The following ANO3 variants were observed in gnomAD, a reference collection of about 807,000 sequenced individuals.
ANO3 encodes anoctamin 3.
In ANO3, 99 loss-of-function variants were observed where a neutral mutation model predicts 144.8. The ratio of observed to expected loss-of-function variants is 0.68; its 90% CI spans 0.58 to 0.81. The LOEUF is 0.81. Among genes scored for constraint, ANO3 ranks in the 30% least tolerant of loss-of-function variants. The probability of loss-of-function intolerance (pLI) is 0.00; values close to 1 mark genes in which losing one functional copy is unlikely to be tolerated. For synonymous variants in ANO3, 414 were observed against 392.6 expected, an observed-to-expected ratio of 1.05 and a Z score of -0.64; for missense variants, 905 against 1,202.2, an observed-to-expected ratio of 0.75 and a Z score of 3.66.
chr11:26,482,316 CAT>C (rs1860252021), intron 4 of ANO3, among the ~76,000 whole-genome samples: 1 of 151,742 alleles, frequency 6.6e-6, no homozygotes, highest in Non-Finnish European at 1.5e-5. Flanking sequence ...TTTCTTGAAT[CAT>C]GTGGAATATG....
At chr11:26,277,717 A>G (rs1232853969) in intron 1 of ANO3, among the ~76,000 whole-genome samples, 1 of 151,420 alleles carries the variant, frequency 6.6e-6, no homozygotes, top group East Asian at 1.9e-4. Flanking sequence ...ATAGATAATA[A>G]TTTTTTCTTG....
At chr11:26,327,710 G>A (rs1053529051), upstream of ANO3, among the ~76,000 whole-genome samples, 2 of 152,188 alleles carry the variant, frequency 1.3e-5, no homozygotes, top group African/African-American at 2.4e-5. Flanking sequence ...CATTATTGAA[G>A]TATGATTGAT....
chr11:26,651,794 A>G (rs1853541588), intron 24 of ANO3, among the ~76,000 whole-genome samples: 1 of 152,186 alleles, frequency 6.6e-6, no homozygotes, highest in South Asian at 2.1e-4. Context: ...TTTTGGAATT[A>G]TAGGCCTACA....
intron 26 of ANO3, among the ~76,000 whole-genome samples, chr11:26,657,935 G>GT (rs139410724): frequency 0.16 from 24,477 of 151,964 alleles, 2,570 homozygotes; most frequent in South Asian, 0.32. Flanking sequence ...CTCTGTAGAT[G>GT]TTTTTTATTT....
intron 1 of ANO3, among the ~76,000 whole-genome samples, chr11:26,232,434 T>C (rs1453538066): frequency 2.0e-5 from 3 of 150,788 alleles, no homozygotes; most frequent in East Asian, 2.0e-4. Flanking sequence ...TACAGGTTCA[T>C]GAAAAAAAAA....
chr11:26,564,726 CACACACAT>C lies in ANO3; in HGVS notation c.1447+4949_1447+4956del, dbSNP rs1850471469. 2.3e-3 allele frequency among the ~76,000 whole-genome samples: 111 copies of C among 49,328 alleles called. 5 individuals are homozygous for C. The highest frequency in any genetic ancestry group is 7.6e-3 in the African/African-American group (102 of 13,386). The allele number at this position is 49,328 out of a possible 152,430, so 32.4% of individuals were successfully genotyped here. On this transcript the variant is annotated intron_variant, in intron 14 of 26. Transcript: ENST00000256737. ...ACACACACACACACACACACACACA[CACACACAT>C]ATATATATATATATATATATATATA...
intron 1 of ANO3, among the ~76,000 whole-genome samples, chr11:26,291,600 C>A (rs1034575735): frequency 2.0e-5 from 3 of 152,078 alleles, no homozygotes; most frequent in Non-Finnish European, 2.9e-5. Context: ...GTAAGGCAGG[C>A]CTGGTGGTGA....
At chr11:26,445,776 T>A (rs1858678978) in intron 3 of ANO3, among the ~76,000 whole-genome samples, 1 of 152,156 alleles carries the variant, frequency 6.6e-6, no homozygotes, top group South Asian at 2.1e-4. Flanking sequence ...GGCTGGGAAA[T>A]ACTCTTTTAG....
At chr11:26,201,845 T>G (rs973055192) in intron 1 of ANO3, among the ~76,000 whole-genome samples, 1 of 150,848 alleles carries the variant, frequency 6.6e-6, no homozygotes, top group African/African-American at 2.4e-5. Flanking sequence ...GTAGAAGAGG[T>G]GTAAGATTTT....
At chr11:26,655,013 G>C (rs1203584710) in intron 24 of ANO3, among the ~76,000 whole-genome samples, 1 of 152,128 alleles carries the variant, frequency 6.6e-6, no homozygotes, top group Non-Finnish European at 1.5e-5. Context: ...TGCCTCAAAA[G>C]TTTGAGAGGC....
At chr11:26,498,805 T>A (rs1037563732) in intron 4 of ANO3, among the ~76,000 whole-genome samples, 1 of 151,784 alleles carries the variant, frequency 6.6e-6, no homozygotes, top group African/African-American at 2.4e-5. Flanking sequence ...TTTTTGAACT[T>A]TTACTGTATA....
chr11:26,306,993 A>G (rs1738006893), upstream of ANO3, among the ~76,000 whole-genome samples: 3 of 152,006 alleles, frequency 2.0e-5, no homozygotes, highest in Middle Eastern at 3.4e-3. Flanking sequence ...GGGGCCTTAA[A>G]CTATGACTTT....
chr11:26,247,726 CTTT>C (rs532538445), intron 1 of ANO3, among the ~76,000 whole-genome samples: 3 of 104,176 alleles, frequency 2.9e-5, no homozygotes, highest in African/African-American at 7.4e-5. Context: ...GCTCCAGTCA[CTTT>C]TTTTTTTTTT....
chr11:26,266,982 C>G (rs891843863), intron 1 of ANO3, among the ~76,000 whole-genome samples: 7 of 151,062 alleles, frequency 4.6e-5, no homozygotes, highest in African/African-American at 1.7e-4. Flanking sequence ...GTCCCAGCTA[C>G]TCGGGAGGCT....
At chr11:26,302,425 G>A (rs1002610996) in intron 1 of ANO3, among the ~76,000 whole-genome samples, 4 of 152,134 alleles carry the variant, frequency 2.6e-5, no homozygotes, top group African/African-American at 9.7e-5. Flanking sequence ...AACCTGGGAG[G>A]CAGTGGTTGC....
rs891342031 is a variant in ANO3, at chr11:26,430,931, T to C, written c.47-10987T>C. On this transcript the variant is annotated intron_variant, in intron 1 of 26. Transcript: ENST00000256737. ...TCAAGACCATGTGCAGATTTGTTCA[T>C]AGGAGAATCTACCAAACTTTAAGGA... Among the ~76,000 whole-genome samples, 16 of 152,322 alleles carry C rather than the reference T, an allele frequency of 1.1e-4. No individual in the cohort carries two copies. In the East Asian group the frequency reaches 3.1e-3, roughly 29 times the overall value.
chr11:26,403,543 G>A (rs1289305719), intron 1 of ANO3, among the ~76,000 whole-genome samples: 7 of 151,700 alleles, frequency 4.6e-5, no homozygotes, highest in Admixed American at 2.6e-4. Flanking sequence ...CCTCTAGCCC[G>A]GACTACTTCG....
chr11:26,577,848 A>G (rs1387615287), intron 14 of ANO3, among the ~76,000 whole-genome samples: 2 of 152,200 alleles, frequency 1.3e-5, no homozygotes, highest in African/African-American at 4.8e-5. Context: ...CCATTAGGAT[A>G]CATAAAGACA....
intron 7 of ANO3, among the ~76,000 whole-genome samples, chr11:26,528,392 G>T (rs781411798): frequency 6.6e-6 from 1 of 152,162 alleles, no homozygotes; most frequent in Non-Finnish European, 1.5e-5. Context: ...TTCACAGGAA[G>T]TGTATGTGAA....
Sources: gnomAD v4.1 joint callset for allele counts (sites outside exome capture counted in the v4.1 genomes callset) on GRCh38, gnomAD v4.1.1 for gene constraint, MANE v1.5 for transcripts, NCBI Gene and HGNC (gene_info 2026-07-23, HGNC 2026-07-21) for gene names.